MACROD2: variants seen among roughly 807,000 people sequenced by gnomAD.
MACROD2 encodes ADP-ribose glycohydrolase MACROD2.
MACROD2 carries 36 observed loss-of-function variants against 70.4 expected under a neutral mutation model. That is an observed-to-expected ratio of 0.51 (90% CI 0.39 to 0.68). The LOEUF is 0.68. Ranked by LOEUF, MACROD2 falls within the 30% of genes least tolerant of loss-of-function variation. MACROD2 has a pLI of 0.00. For missense variants in MACROD2, 496 were observed against 538.4 expected, an observed-to-expected ratio of 0.92 and a Z score of 0.78; for synonymous variants, 172 against 178.8, an observed-to-expected ratio of 0.96 and a Z score of 0.30.
intron 5 of MACROD2, among the ~76,000 whole-genome samples, chr20:15,055,109 C>T (rs919260464): frequency 2.6e-5 from 4 of 152,008 alleles, no homozygotes; most frequent in African/African-American, 7.3e-5. Context: ...TCCACCACAC[C>T]CAGCTAATTT....
intron 5 of MACROD2, among the ~76,000 whole-genome samples, chr20:15,031,116 C>T (rs2075271065): frequency 6.6e-6 from 1 of 152,224 alleles, no homozygotes; most frequent in Admixed American, 6.5e-5. Flanking sequence ...GGTGCCTGCA[C>T]AGGCGCCAGC....
intron 2 of MACROD2, among the ~76,000 whole-genome samples, chr20:14,003,884 C>T (rs1188305489): frequency 6.6e-6 from 1 of 152,132 alleles, no homozygotes; most frequent in Non-Finnish European, 1.5e-5. Context: ...TTCTGGTCCT[C>T]TGTCTTACCT....
chr20:14,216,363 A>T (rs1296725483), intron 3 of MACROD2, among the ~76,000 whole-genome samples: 1 of 152,088 alleles, frequency 6.6e-6, no homozygotes, highest in Admixed American at 6.5e-5. Flanking sequence ...TCATTGGTCT[A>T]TGTGCCTGCA....
In MACROD2 at chr20:16,003,078, C is replaced by A. The variant is rs76591799; in HGVS notation, c.1153+15920C>A. 4.7e-3 allele frequency among the ~76,000 whole-genome samples: 610 copies of A among 129,974 alleles called. 4 individuals carry two copies. Among genetic ancestry groups the A allele is most frequent in the African/African-American group, 9.8e-3 (322 of 32,988 alleles). The allele number at this position is 129,974 out of a possible 152,430, so 85.3% of individuals were successfully genotyped here. On this transcript the variant is annotated intron_variant, in intron 15 of 17. Transcript: ENST00000684519. ...AAAACAAAATAGAAAACCCACCCAC[C>A]CACCCACACACACACACACACACAC...
At chr20:15,433,601 T>C (rs1340818621) in intron 7 of MACROD2, among the ~76,000 whole-genome samples, 1 of 151,930 alleles carries the variant, frequency 6.6e-6, no homozygotes, top group African/African-American at 2.4e-5. Flanking sequence ...CCCATGCTCA[T>C]GGATGGGTAG....
chr20:14,425,546 G>A (rs2083923809), intron 3 of MACROD2, among the ~76,000 whole-genome samples: 1 of 152,110 alleles, frequency 6.6e-6, no homozygotes, highest in Non-Finnish European at 1.5e-5. Context: ...GGTTTTCTAT[G>A]TACTTGTTAA....
chr20:14,639,294 T>G (rs1984963281), intron 4 of MACROD2, among the ~76,000 whole-genome samples: 2 of 152,150 alleles, frequency 1.3e-5, no homozygotes, highest in African/African-American at 4.8e-5. Context: ...TTTAAAGAAG[T>G]TAACACATCA....
At chr20:14,797,193 G>A (rs2072519949) in intron 5 of MACROD2, among the ~76,000 whole-genome samples, 1 of 151,926 alleles carries the variant, frequency 6.6e-6, no homozygotes, top group South Asian at 2.1e-4. Context: ...CTAGACTGTT[G>A]CGATATCCTT....
chr20:14,512,245 A>G (rs2085039075), intron 4 of MACROD2, among the ~76,000 whole-genome samples: 1 of 152,188 alleles, frequency 6.6e-6, no homozygotes, highest in Admixed American at 6.5e-5. Context: ...GTAGGAATTC[A>G]CATCAAGCGG....
chr20:14,112,976 A>G (rs1351690188), intron 3 of MACROD2, among the ~76,000 whole-genome samples: 2 of 151,956 alleles, frequency 1.3e-5, no homozygotes, highest in East Asian at 3.8e-4. Context: ...CTGTATCTTT[A>G]AAAAGGATAC....
chr20:14,340,240 A>C (rs2082999387), intron 3 of MACROD2, among the ~76,000 whole-genome samples: 1 of 152,210 alleles, frequency 6.6e-6, no homozygotes, highest in African/African-American at 2.4e-5. Context: ...CCAGTGTAGT[A>C]GACCTGGGTA....
chr20:15,193,587 GC>G (rs1178549585), intron 5 of MACROD2, among the ~76,000 whole-genome samples: 2 of 152,124 alleles, frequency 1.3e-5, no homozygotes, highest in Non-Finnish European at 2.9e-5. Context: ...GTTTGAGACT[GC>G]AGTGAGCCCT....
intron 5 of MACROD2, among the ~76,000 whole-genome samples, chr20:15,016,887 A>T (rs746472771): frequency 2.4e-4 from 37 of 152,166 alleles, no homozygotes; most frequent in Non-Finnish European, 5.9e-5. Context: ...AGCCCCCATG[A>T]TTCAATTATC....
At chr20:14,442,068 G>A (rs1386806460) in intron 3 of MACROD2, among the ~76,000 whole-genome samples, 1 of 152,018 alleles carries the variant, frequency 6.6e-6, no homozygotes, top group African/African-American at 2.4e-5. Context: ...TCAGGAGTTT[G>A]AGACCAGCCT....
At chr20:16,005,046 G>A (rs2147514036) in intron 15 of MACROD2, among the ~76,000 whole-genome samples, 1 of 152,240 alleles carries the variant, frequency 6.6e-6, no homozygotes, top group South Asian at 2.1e-4. Flanking sequence ...TGATGAACAG[G>A]ATATATGGGG....
At chr20:14,691,085 T>G (rs2071058001) in intron 5 of MACROD2, among the ~76,000 whole-genome samples, 1 of 152,130 alleles carries the variant, frequency 6.6e-6, no homozygotes, top group Non-Finnish European at 1.5e-5. Context: ...ACCCAGCTAA[T>G]TTTTGTATGT....
intron 3 of MACROD2, among the ~76,000 whole-genome samples, chr20:14,155,742 C>T (rs949862530): frequency 6.6e-6 from 1 of 151,848 alleles, no homozygotes; most frequent in Non-Finnish European, 1.5e-5. Context: ...TTTTAAAATT[C>T]AGGATACCCT....
At chr20:14,202,109 A>T (rs1019859815) in intron 3 of MACROD2, among the ~76,000 whole-genome samples, 10 of 152,132 alleles carry the variant, frequency 6.6e-5, no homozygotes, top group Non-Finnish European at 1.3e-4. Flanking sequence ...TCGTCATTTT[A>T]CTACTAATTA....
intron 5 of MACROD2, among the ~76,000 whole-genome samples, chr20:15,020,735 C>T (rs912914010): frequency 1.3e-5 from 2 of 151,954 alleles, no homozygotes; most frequent in African/African-American, 4.8e-5. Context: ...TAGGCACATA[C>T]AACACAATGT....
Sources: allele counts gnomAD v4.1 joint callset (sites outside exome capture counted in the v4.1 genomes callset), GRCh38; gene constraint gnomAD v4.1.1; transcripts MANE v1.5; gene names NCBI Gene and HGNC (gene_info 2026-07-23, HGNC 2026-07-21).